The following SIPA1L3 variants were observed in gnomAD, a reference collection of about 807,000 sequenced individuals.
SIPA1L3 encodes the protein signal-induced proliferation-associated 1-like protein 3.
SIPA1L3 carries 59 observed loss-of-function variants against 150.1 expected under a neutral mutation model. The observed-to-expected ratio is 0.39, with a 90% confidence interval of 0.32 to 0.49. SIPA1L3 has a LOEUF of 0.49. SIPA1L3 is among the 20% of genes least tolerant of loss of function. SIPA1L3 has a pLI of 0.86. For missense variants in SIPA1L3, 2,211 were observed against 2,489.5 expected (o/e 0.89, Z 2.38); for synonymous variants, 1,070 against 1,077.6 (o/e 0.99, Z 0.14).
intron 1 of SIPA1L3, among the ~76,000 whole-genome samples, chr19:38,014,620 A>T (rs1373973984): frequency 7.0e-6 from 1 of 141,914 alleles, no homozygotes; most frequent in African/African-American, 2.7e-5. Context: ...TGGTACAATC[A>T]TAGCTCACTT....
At chr19:37,917,623 T>C (rs933788500) in intron 1 of SIPA1L3, among the ~76,000 whole-genome samples, 31 of 152,306 alleles carry the variant, frequency 2.0e-4, no homozygotes, top group African/African-American at 7.5e-4. Flanking sequence ...CTTTTAAACC[T>C]GTTTTATATG....
intron 21 of SIPA1L3, among the ~76,000 whole-genome samples, chr19:38,204,858 G>A (rs1347308203): frequency 6.6e-6 from 1 of 152,174 alleles, no homozygotes; most frequent in Non-Finnish European, 1.5e-5. Flanking sequence ...GAACAAGGAC[G>A]TTCGTTGCCA....
At chr19:37,971,156 G>GT (rs1966921736) in intron 1 of SIPA1L3, among the ~76,000 whole-genome samples, 1 of 151,358 alleles carries the variant, frequency 6.6e-6, no homozygotes, top group South Asian at 2.1e-4. Context: ...TTGTTTGTTT[G>GT]TTTTTTGGAG....
chr19:38,063,281 C>A (rs984826576), intron 2 of SIPA1L3, among the ~76,000 whole-genome samples: 1 of 152,158 alleles, frequency 6.6e-6, no homozygotes. Flanking sequence ...CGGCCCCCAG[C>A]TCCCATCCCT....
rs754939949 is a variant in SIPA1L3 at position 38,088,861 on chromosome 19, A to G, written c.1665+10A>G. Reference sequence around the variant, plus strand: ...CTTCCGGACCCGCGAGGTAGGTCCCATCACTCTCGTTCTTATTAAAGAAAT... The same window carrying G: ...CTTCCGGACCCGCGAGGTAGGTCCCGTCACTCTCGTTCTTATTAAAGAAAT... On this transcript the variant is annotated intron_variant, in intron 4 of 21. Transcript: ENST00000222345. The G allele has an allele frequency of 1.6e-5, 26 of 1,613,242 alleles. No homozygotes were observed. Among genetic ancestry groups the G allele is most frequent in the Admixed American group, 6.7e-5 (4 of 59,968 alleles).
intron 1 of SIPA1L3, among the ~76,000 whole-genome samples, chr19:37,949,309 A>G (rs1020040034): frequency 6.6e-6 from 1 of 152,128 alleles, no homozygotes; most frequent in Non-Finnish European, 1.5e-5. Context: ...CCAGTGAGCT[A>G]TGGCTGGAGA....
At chr19:37,946,165 A>AAT (rs982802510) in intron 1 of SIPA1L3, among the ~76,000 whole-genome samples, 3 of 151,908 alleles carry the variant, frequency 2.0e-5, no homozygotes, top group East Asian at 1.9e-4. Context: ...CAAAAAAAAA[A>AAT]AATAATAATA....
chr19:38,031,575 T>G (rs1439876882), intron 2 of SIPA1L3, among the ~76,000 whole-genome samples: 1 of 152,210 alleles, frequency 6.6e-6, no homozygotes, highest in East Asian at 1.9e-4. Context: ...AGCATGCCCT[T>G]CTCAGTGCGT....
chr19:38,068,565 G>C (rs1303090836), intron 2 of SIPA1L3, among the ~76,000 whole-genome samples: 1 of 152,122 alleles, frequency 6.6e-6, no homozygotes. Context: ...GGTCATGATG[G>C]AAGTCCCTAC....
chr19:38,012,500 G>A (rs1968127980), intron 1 of SIPA1L3, among the ~76,000 whole-genome samples: 1 of 152,182 alleles, frequency 6.6e-6, no homozygotes, highest in African/African-American at 2.4e-5. Context: ...TCAGGCCAGA[G>A]TGTGGGGTGA....
At chr19:38,183,591 G>A (rs1340800654) in intron 16 of SIPA1L3, among the ~76,000 whole-genome samples, 1 of 152,196 alleles carries the variant, frequency 6.6e-6, no homozygotes, top group Admixed American at 6.5e-5. Context: ...ACATCCAGAC[G>A]GAGGCGTGAG....
In SIPA1L3 at chr19:37,924,971, T is replaced by C. The variant is rs181237503; in HGVS notation, c.-379+17613T>C. On this transcript the variant is annotated intron_variant, in intron 1 of 21. Transcript: ENST00000222345. ...GGCTGAGGTAGGAGAATTGCTTGAA[T>C]CCAGGAGGCAGAGGTTGCAGTGAGC... Among the ~76,000 whole-genome samples the C allele has an allele frequency of 2.1e-3, 317 of 149,280 alleles. 5 individuals carry two copies. The highest frequency in any genetic ancestry group is 2.2e-4 in the Non-Finnish European group (15 of 67,674).
At chr19:37,942,501 C>T (rs2046668519) in intron 1 of SIPA1L3, among the ~76,000 whole-genome samples, 1 of 94,288 alleles carries the variant, frequency 1.1e-5, no homozygotes, top group Non-Finnish European at 2.1e-5. Context: ...ATGAGTTTGA[C>T]GTGTGAAGGA....
chr19:38,151,893 C>T (rs1010273667), intron 12 of SIPA1L3, among the ~76,000 whole-genome samples: 1 of 135,396 alleles, frequency 7.4e-6, no homozygotes, highest in Non-Finnish European at 1.5e-5. Context: ...AGCCGGGAGG[C>T]GGAGGTTGCA....
At chr19:38,142,326 C>G (rs568535978) in intron 11 of SIPA1L3, among the ~76,000 whole-genome samples, 1 of 152,178 alleles carries the variant, frequency 6.6e-6, no homozygotes, top group East Asian at 1.9e-4. Flanking sequence ...CTGTGAGTTG[C>G]GGGCAGCCGC....
intron 1 of SIPA1L3, among the ~76,000 whole-genome samples, chr19:37,963,289 C>CT (rs2046875732): frequency 6.6e-6 from 1 of 152,234 alleles, no homozygotes; most frequent in Admixed American, 6.5e-5. Context: ...TCTAGTCTCT[C>CT]TGGAGCTTGT....
At chr19:37,941,238 A>G (rs2046654598) in intron 1 of SIPA1L3, among the ~76,000 whole-genome samples, 1 of 152,034 alleles carries the variant, frequency 6.6e-6, no homozygotes, top group African/African-American at 2.4e-5. Context: ...GTGGATGACC[A>G]TTGCTCAGAG....
chr19:38,003,146 T>G (rs1036879362), intron 1 of SIPA1L3, among the ~76,000 whole-genome samples: 1 of 151,806 alleles, frequency 6.6e-6, no homozygotes, highest in Non-Finnish European at 1.5e-5. Flanking sequence ...TCTCAAAAGA[T>G]AAAATAAAAA....
chr19:37,957,843 C>G (rs534974954), intron 1 of SIPA1L3, among the ~76,000 whole-genome samples: 29 of 152,160 alleles, frequency 1.9e-4, no homozygotes, highest in Admixed American at 1.8e-3. Context: ...TCTGGAGTAG[C>G]TGTGACTATA....
Sources: gnomAD v4.1 joint callset for allele counts (sites outside exome capture counted in the v4.1 genomes callset) on GRCh38, gnomAD v4.1.1 for gene constraint, MANE v1.5 for transcripts, NCBI Gene and HGNC (gene_info 2026-07-23, HGNC 2026-07-21) for gene names.